The following VRK2 variants were observed in gnomAD, a reference collection of about 807,000 sequenced individuals.
VRK2 encodes the protein VRK serine/threonine kinase 2, also known as serine/threonine-protein kinase VRK2.
Under a neutral mutation model 57.6 loss-of-function variants are expected in VRK2, and 60 were observed. That is an observed-to-expected ratio of 1.04 (90% CI 0.85 to 1.29). The LOEUF (loss-of-function observed/expected upper bound fraction) is 1.29. Among genes scored for constraint, VRK2 ranks in the 50% most tolerant of loss-of-function variants. The pLI is 0.00. For missense variants in VRK2, 705 were observed against 588.1 expected, an observed-to-expected ratio of 1.20 and a Z score of -2.06; for synonymous variants, 231 against 199.2, an observed-to-expected ratio of 1.16 and a Z score of -1.35.
At chr2:58,096,953 T>G (rs1412275130) in intron 7 of VRK2, among the ~76,000 whole-genome samples, 1 of 152,020 alleles carries the variant, frequency 6.6e-6, no homozygotes, top group Non-Finnish European at 1.5e-5. Context: ...AATTCTTAAA[T>G]TTTTATGTGG....
At chr2:58,118,754 C>A (rs1254000969) in intron 7 of VRK2, among the ~76,000 whole-genome samples, 1 of 152,190 alleles carries the variant, frequency 6.6e-6, no homozygotes, top group Non-Finnish European at 1.5e-5. Context: ...AGCAGCATGG[C>A]TGTTTATTTC....
chr2:57,919,716 G>T (rs1324257045), intron 1 of VRK2, among the ~76,000 whole-genome samples: 4 of 152,102 alleles, frequency 2.6e-5, no homozygotes, highest in African/African-American at 9.6e-5. Flanking sequence ...TTTCTTACCT[G>T]GCAGGCAGCT....
intron 7 of VRK2, among the ~76,000 whole-genome samples, chr2:58,112,576 G>GA (rs35166006): frequency 0.3 from 41,897 of 140,360 alleles, 8,545 homozygotes; most frequent in African/African-American, 0.59. Context: ...ATAGTAACAG[G>GA]AAAAAAAAAA....
At chr2:58,096,695 C>A (rs956981687) in intron 7 of VRK2, among the ~76,000 whole-genome samples, 1 of 151,398 alleles carries the variant, frequency 6.6e-6, no homozygotes. Context: ...GAGATTTTTT[C>A]TTTTTTCTTA....
At chr2:58,133,158 CTT>C (rs1679462951) in intron 9 of VRK2, among the ~76,000 whole-genome samples, 1 of 151,932 alleles carries the variant, frequency 6.6e-6, no homozygotes, top group Non-Finnish European at 1.5e-5. Context: ...CTTGCTTTAA[CTT>C]TTTATCAATA....
chr2:58,115,631 G>A (rs1343737598), intron 7 of VRK2, among the ~76,000 whole-genome samples: 1 of 152,204 alleles, frequency 6.6e-6, no homozygotes, highest in Admixed American at 6.5e-5. Flanking sequence ...GGAAGGAAAG[G>A]AGTTGTTGTT....
rs374299047 is a variant in VRK2 at position 58,155,712 on chromosome 2, C to T, written c.1183-3637C>T. Among the ~76,000 whole-genome samples the T allele has an allele frequency of 1.0e-3, 156 of 151,506 alleles. 1 individual carries two copies. The highest frequency in any genetic ancestry group is 3.6e-3 in the African/African-American group (149 of 41,240). On this transcript the variant is annotated intron_variant, in intron 12 of 12. Coordinates refer to ENST00000340157, the MANE Select transcript of VRK2 (RefSeq NM_006296.7). ...GTGATGATACTCAACAGGACTGTAC[C>T]CTCCCTCTTCACCCCACCCTTGCCA...
chr2:57,990,874 CACACACACACAT>C (rs1270178171), intron 1 of VRK2, among the ~76,000 whole-genome samples: 1 of 151,614 alleles, frequency 6.6e-6, no homozygotes, highest in African/African-American at 2.4e-5. Context: ...CACACACACA[CACACACACACAT>C]GCACACACAC....
chr2:58,025,464 G>C (rs963683600), intron 1 of VRK2, among the ~76,000 whole-genome samples: 7 of 152,140 alleles, frequency 4.6e-5, no homozygotes, highest in South Asian at 2.1e-4. Flanking sequence ...GACAAAGGAA[G>C]AGAATCATAG....
chr2:58,017,338 T>C (rs1673616818), intron 1 of VRK2, among the ~76,000 whole-genome samples: 1 of 152,190 alleles, frequency 6.6e-6, no homozygotes, highest in Non-Finnish European at 1.5e-5. Flanking sequence ...TCCAGGGAGC[T>C]CAATTCCCAG....
chr2:57,949,078 A>T (rs2678899), intron 1 of VRK2, among the ~76,000 whole-genome samples: 1 of 141,276 alleles, frequency 7.1e-6, no homozygotes, highest in Non-Finnish European at 1.5e-5. Context: ...GGTGGGGGAC[A>T]GGGGGCGGGA....
chr2:58,054,615 A>G (rs182996144), intron 2 of VRK2, among the ~76,000 whole-genome samples: 1 of 152,314 alleles, frequency 6.6e-6, no homozygotes, highest in Admixed American at 6.5e-5. Context: ...TTTAAGACAC[A>G]GGAATATCTA....
At chr2:57,964,373 CT>C (rs1219466290) in intron 1 of VRK2, among the ~76,000 whole-genome samples, 1 of 152,052 alleles carries the variant, frequency 6.6e-6, no homozygotes, top group Non-Finnish European at 1.5e-5. Flanking sequence ...TCCTCATCAT[CT>C]TCAGGTTAAG....
At chr2:57,923,810 T>C (rs1475421833) in intron 1 of VRK2, among the ~76,000 whole-genome samples, 1 of 151,976 alleles carries the variant, frequency 6.6e-6, no homozygotes, top group East Asian at 1.9e-4. Context: ...CCCATTACAA[T>C]GTCTAGAGAA....
chr2:58,094,941 T>G (rs1672909909), intron 7 of VRK2, among the ~76,000 whole-genome samples: 1 of 152,208 alleles, frequency 6.6e-6, no homozygotes, highest in South Asian at 2.1e-4. Context: ...TTCTCCGTTT[T>G]CAGTGTTATC....
chr2:57,956,964 AC>A (rs1671605714), intron 1 of VRK2, among the ~76,000 whole-genome samples: 1 of 152,202 alleles, frequency 6.6e-6, no homozygotes. Flanking sequence ...CTTACAATTT[AC>A]AAAAATCAGA....
intron 1 of VRK2, among the ~76,000 whole-genome samples, chr2:57,997,968 C>A (rs570133582): frequency 1.6e-3 from 250 of 151,992 alleles, no homozygotes; most frequent in Non-Finnish European, 2.6e-3. Context: ...AGTCAAACAG[C>A]TTTAATATTT....
At position 58,031,746 on chromosome 2, in the gene VRK2, T is replaced by C. The variant is rs186363648; in HGVS notation, c.-332-1481T>C. Among the ~76,000 whole-genome samples, 561 of 152,222 alleles carry C rather than the reference T, an allele frequency of 3.7e-3. 3 individuals carry two copies. Among genetic ancestry groups the C allele is most frequent in the Middle Eastern group, 0.034 (10 of 294 alleles). ...TTTTGTTCTCATAGCTACCTCTGGA[T>C]TGCTGCTTTTTCATGTGCTATCTCT... On this transcript the variant is annotated intron_variant, in intron 2 of 15. Coordinates refer to the VRK2 transcript ENST00000417641.
At chr2:58,156,350 T>C (rs895855018) in intron 12 of VRK2, among the ~76,000 whole-genome samples, 19 of 152,296 alleles carry the variant, frequency 1.2e-4, no homozygotes, top group Admixed American at 1.2e-3. Flanking sequence ...GTCTTTTGTT[T>C]ATTGTGCTTT....
Sources: gnomAD v4.1 joint callset for allele counts (sites outside exome capture counted in the v4.1 genomes callset) on GRCh38, gnomAD v4.1.1 for gene constraint, MANE v1.5 for transcripts, NCBI Gene and HGNC (gene_info 2026-07-23, HGNC 2026-07-21) for gene names.